The following MEIS2 variants were observed in gnomAD, a reference collection of about 807,000 sequenced individuals.
MEIS2 encodes the protein Meis homeobox 2.
A neutral mutation model predicts 58.6 loss-of-function variants in MEIS2; 9 were observed. The ratio of observed to expected loss-of-function variants is 0.15; its 90% confidence interval spans 0.09 to 0.27. The LOEUF is 0.27. Among genes scored for constraint, MEIS2 ranks in the 10% least tolerant of loss-of-function variants. MEIS2 has a pLI of 1.00. For missense variants in MEIS2, 427 were observed against 635.0 expected (o/e 0.67, Z 3.52); for synonymous variants, 221 against 228.4 (o/e 0.97, Z 0.29).
intron 2 of MEIS2, 116 bp downstream of exon 2, chr15:37,097,851 C>T (rs1316970656): frequency 2.1e-6 from 3 of 1,396,810 alleles, no homozygotes; most frequent in East Asian, 2.6e-5. Context: ...GCGGCGCCCG[C>T]CCCCCACCAT....
chr15:36,965,726 G>T (rs905387006), intron 8 of MEIS2, among the ~76,000 whole-genome samples: 2 of 152,202 alleles, frequency 1.3e-5, no homozygotes, highest in African/African-American at 4.8e-5. Flanking sequence ...CCAGGCTATA[G>T]TTGCACAAGA....
At chr15:37,082,356 T>G (rs1892346351) in intron 7 of MEIS2, among the ~76,000 whole-genome samples, 1 of 151,898 alleles carries the variant, frequency 6.6e-6, no homozygotes, top group Non-Finnish European at 1.5e-5. Context: ...ATGTTTAGAG[T>G]ATTTTGTTTT....
At chr15:37,091,955 A>G (rs1893576727) in intron 6 of MEIS2, among the ~76,000 whole-genome samples, 1 of 152,226 alleles carries the variant, frequency 6.6e-6, no homozygotes, top group South Asian at 2.1e-4. Flanking sequence ...TAAACACACA[A>G]AAAACAACAA....
At chr15:36,964,698 T>G (rs1595824397) in intron 8 of MEIS2, among the ~76,000 whole-genome samples, 2 of 152,198 alleles carry the variant, frequency 1.3e-5, no homozygotes, top group East Asian at 3.9e-4. Context: ...TCCAAGGCAG[T>G]AACACTTTCC....
intron 9 of MEIS2, among the ~76,000 whole-genome samples, chr15:36,921,780 C>T (rs929473355): frequency 3.3e-5 from 5 of 150,806 alleles, no homozygotes; most frequent in African/African-American, 1.2e-4. Context: ...TTTAGATAGT[C>T]GGCACTAAAA....
intron 8 of MEIS2, among the ~76,000 whole-genome samples, chr15:36,965,992 C>T (rs775138219): frequency 3.9e-5 from 6 of 152,238 alleles, no homozygotes; most frequent in Non-Finnish European, 8.8e-5. Flanking sequence ...ATAATATATG[C>T]TCAAATCTCT....
At chr15:36,961,214 G>A (rs1454286197) in intron 8 of MEIS2, among the ~76,000 whole-genome samples, 2 of 152,044 alleles carry the variant, frequency 1.3e-5, no homozygotes, top group Non-Finnish European at 2.9e-5. Flanking sequence ...TTTCTAATTT[G>A]TATATAGACG....
At chr15:36,947,514 T>C (rs553831236) in intron 9 of MEIS2, among the ~76,000 whole-genome samples, 1 of 152,092 alleles carries the variant, frequency 6.6e-6, no homozygotes, top group African/African-American at 2.4e-5. Flanking sequence ...CAGTGCTGCT[T>C]AACTACCCTG....
intron 9 of MEIS2, among the ~76,000 whole-genome samples, chr15:36,915,786 T>C (rs551031628): frequency 2.0e-5 from 3 of 152,316 alleles, no homozygotes; most frequent in South Asian, 4.1e-4. Flanking sequence ...GCTCATTGAG[T>C]CAAGTGGAAG....
At chr15:37,095,691 T>G in intron 3 of MEIS2, 77 bp from the exon 4 acceptor site, 1 of 1,604,026 alleles carries the variant, frequency 6.2e-7, no homozygotes, top group Non-Finnish European at 8.5e-7. Flanking sequence ...ATGGGTACGG[T>G]GGAGGGCAAT....
rs745827443 is a variant in MEIS2, at chr15:37,083,759, T to G, written c.754+12A>C. ...TGCCTACTTTGCACGAGGAAAATGT[T>G]TGACCTTTTACCTTGCTCACTGCTG... is the stretch of plus-strand genomic sequence containing the variant. On this transcript the variant is annotated intron_variant, in intron 7 of 11. Coordinates refer to ENST00000561208, the MANE Select transcript of MEIS2 (RefSeq NM_170675.5). The G allele has an allele frequency of 1.2e-6, 2 of 1,608,964 alleles. No individual in the cohort carries two copies. The highest frequency in any genetic ancestry group is 1.7e-6 in the Non-Finnish European group (2 of 1,176,976).
At chr15:37,099,182 C>CA (rs1400485649) in intron 1 of MEIS2, 1 of 1,396,752 alleles carries the variant, frequency 7.2e-7, no homozygotes, top group Non-Finnish European at 9.3e-7. Flanking sequence ...CGCACACACA[C>CA]ACACCACTCA....
At chr15:36,952,651 A>C (rs191813960) in intron 8 of MEIS2, among the ~76,000 whole-genome samples, 50 of 110,106 alleles carry the variant, frequency 4.5e-4, no homozygotes, top group African/African-American at 1.5e-3. Context: ...GTGTGTGTGC[A>C]TGTGTGTTTA....
intron 8 of MEIS2, among the ~76,000 whole-genome samples, chr15:36,977,467 T>C (rs1296580011): frequency 6.6e-6 from 1 of 152,212 alleles, no homozygotes; most frequent in African/African-American, 2.4e-5. Context: ...AAGCTCCCAG[T>C]TGAATTTACT....
intron 8 of MEIS2, among the ~76,000 whole-genome samples, chr15:36,995,742 AAAAGAAAG>A (rs138753356): frequency 2.7e-4 from 17 of 62,446 alleles, no homozygotes; most frequent in South Asian, 1.9e-3. Context: ...CAAAGAAAAG[AAAAGAAAG>A]AAAGAAAGAA....
chr15:36,995,956 GATATATATATATATATATATAT>G (rs539738718), intron 8 of MEIS2, among the ~76,000 whole-genome samples: 16,022 of 112,904 alleles, frequency 0.14, 1,402 homozygotes, highest in Middle Eastern at 0.39. Flanking sequence ...TCTAGTCTGA[GATATATATATATATATATATAT>G]ATATATATAT....
At chr15:36,894,582 T>C (rs1411569460) in intron 11 of MEIS2, 2 of 634,322 alleles carry the variant, frequency 3.2e-6, no homozygotes, top group Non-Finnish European at 5.3e-6. Context: ...GGGTGATATA[T>C]ATTTAAAAAC....
chr15:36,894,836 A>G, intron 11 of MEIS2: 2 of 1,554,382 alleles, frequency 1.3e-6, no homozygotes, highest in Non-Finnish European at 1.8e-6. Context: ...AAAATCCAAG[A>G]AGAGGCCGGA....
At chr15:36,982,929 T>C (rs1880252944) in intron 8 of MEIS2, among the ~76,000 whole-genome samples, 1 of 152,288 alleles carries the variant, frequency 6.6e-6, no homozygotes, top group African/African-American at 2.4e-5. Context: ...CATATACCAA[T>C]TGGCCATTTG....
Sources: allele counts gnomAD v4.1 joint callset (sites outside exome capture counted in the v4.1 genomes callset), GRCh38; gene constraint gnomAD v4.1.1; transcripts MANE v1.5; gene names NCBI Gene and HGNC (gene_info 2026-07-23, HGNC 2026-07-21).